Variants in IFNGR2 observed in about 807,000 individuals in gnomAD.
IFNGR2 encodes IFN-gamma receptor 2.
In IFNGR2, 15 loss-of-function variants were observed where a neutral mutation model predicts 41.1. The ratio of observed to expected loss-of-function variants is 0.37; its 90% CI spans 0.24 to 0.56. IFNGR2 has a LOEUF of 0.56. IFNGR2 is among the 20% of genes least tolerant of loss of function. IFNGR2 has a pLI of 0.81. For synonymous variants in IFNGR2, 161 were observed against 171.6 expected, an observed-to-expected ratio of 0.94 and a Z score of 0.48; for missense variants, 362 against 415.7, an observed-to-expected ratio of 0.87 and a Z score of 1.12.
chr21:33,424,643 C>G, intron 3 of IFNGR2, among the ~76,000 whole-genome samples: 1 of 152,228 alleles, frequency 6.6e-6, no homozygotes. Context: ...GTTCATATCC[C>G]AACTCTGCCA....
At chr21:33,426,160 C>T (rs1377560665) in intron 3 of IFNGR2, among the ~76,000 whole-genome samples, 1 of 151,900 alleles carries the variant, frequency 6.6e-6, no homozygotes. Flanking sequence ...CGCCTGTAAT[C>T]CCAGCACTTT....
At chr21:33,409,554 C>T (rs1036931312) in intron 1 of IFNGR2, among the ~76,000 whole-genome samples, 6 of 152,040 alleles carry the variant, frequency 3.9e-5, no homozygotes, top group South Asian at 4.1e-4. Flanking sequence ...GGTATTTTAG[C>T]GAGTGGTGGT....
chr21:33,422,877 CAAAAAAAAAAAAA>C (rs71194843), intron 3 of IFNGR2, among the ~76,000 whole-genome samples: 10 of 34,950 alleles, frequency 2.9e-4, no homozygotes, highest in Non-Finnish European at 3.6e-4. Context: ...AACTCCATCT[CAAAAAAAAAAAAA>C]AAAAAAAAAA....
intron 5 of IFNGR2, 182 bp downstream of exon 5, chr21:33,432,518 C>G: frequency 1.2e-6 from 1 of 831,576 alleles, no homozygotes; most frequent in Non-Finnish European, 2.0e-6. Context: ...TACCAGACAG[C>G]TACCACTTGC....
intron 3 of IFNGR2, among the ~76,000 whole-genome samples, chr21:33,422,494 G>A (rs555221344): frequency 4.7e-4 from 72 of 152,202 alleles, no homozygotes; most frequent in African/African-American, 1.6e-3. Context: ...ATGGTGTTTT[G>A]GTTATGATTT....
intron 4 of IFNGR2, 30 bp from the exon 5 acceptor site, chr21:33,432,141 TCATTTA>T (rs776732414): frequency 6.3e-7 from 1 of 1,599,818 alleles, no homozygotes; most frequent in Admixed American, 1.7e-5. Context: ...TTGGCCATGT[TCATTTA>T]CATGTGTGCT....
chr21:33,409,591 G>C (rs568928780), intron 1 of IFNGR2, among the ~76,000 whole-genome samples: 1 of 152,276 alleles, frequency 6.6e-6, no homozygotes, highest in East Asian at 1.9e-4. Context: ...GATCTTGAAG[G>C]ATTTTCAGCT....
chr21:33,406,882 C>A (rs1188800860), intron 1 of IFNGR2, among the ~76,000 whole-genome samples: 1 of 151,884 alleles, frequency 6.6e-6, no homozygotes, highest in Non-Finnish European at 1.5e-5. Context: ...CTCCTGGGGT[C>A]AAGAGATCCA....
At chr21:33,411,914 T>C (rs1216563347) in intron 1 of IFNGR2, among the ~76,000 whole-genome samples, 3 of 152,322 alleles carry the variant, frequency 2.0e-5, no homozygotes, top group Non-Finnish European at 4.4e-5. Context: ...TTAAAATTTA[T>C]TTATTTTTAG....
intron 3 of IFNGR2, 70 bp from the exon 4 acceptor site, chr21:33,426,814 T>C: frequency 9.4e-7 from 1 of 1,062,802 alleles, no homozygotes; most frequent in Non-Finnish European, 1.4e-6. Context: ...TAGCATTATA[T>C]AATACATTGT....
chr21:33,404,089 G>T (rs1362412521), intron 1 of IFNGR2, among the ~76,000 whole-genome samples: 1 of 152,266 alleles, frequency 6.6e-6, no homozygotes, highest in Non-Finnish European at 1.5e-5. Flanking sequence ...ATGAACAACA[G>T]CAAATTGAAT....
chr21:33,434,060 T>C (rs73195827), intron 6 of IFNGR2, among the ~76,000 whole-genome samples: 1 of 152,246 alleles, frequency 6.6e-6, no homozygotes, highest in Non-Finnish European at 1.5e-5. Context: ...CAGTGGGTAT[T>C]GCTAATATTT....
chr21:33,415,378 A>G (rs1450262164), intron 2 of IFNGR2, among the ~76,000 whole-genome samples: 1 of 152,182 alleles, frequency 6.6e-6, no homozygotes, highest in Non-Finnish European at 1.5e-5. Context: ...AATCGGATTG[A>G]TTTAACCTTA....
At chr21:33,408,022 T>C (rs1036613915) in intron 1 of IFNGR2, among the ~76,000 whole-genome samples, 1 of 152,076 alleles carries the variant, frequency 6.6e-6, no homozygotes, top group Non-Finnish European at 1.5e-5. Context: ...GGATCAATGA[T>C]GTTCACCTAA....
intron 1 of IFNGR2, among the ~76,000 whole-genome samples, chr21:33,405,118 AAAAAAG>A (rs1568948247): frequency 1.3e-5 from 2 of 151,336 alleles, no homozygotes; most frequent in African/African-American, 4.9e-5. Context: ...AAAAAAAAAA[AAAAAAG>A]AAAAAGAGGA....
intron 6 of IFNGR2, among the ~76,000 whole-genome samples, chr21:33,435,012 A>G (rs984119645): frequency 6.6e-6 from 1 of 152,306 alleles, no homozygotes. Flanking sequence ...TGTTTCACTT[A>G]TAATTCTGGG....
chr21:33,413,821 CT>C lies in IFNGR2; in HGVS notation c.74-1066del, dbSNP rs2083733033. Among the ~76,000 whole-genome samples the C allele has an allele frequency of 5.2e-5, 7 of 135,050 alleles. No individual in the cohort carries two copies. The South Asian group carries it at 7.2e-4, about 14-fold the overall frequency. 88.6% of individuals were successfully genotyped at this position (135,050 alleles called of 152,430 possible). ...ATATTCTTTCTCTGTTTATTGCCCC[CT>C]AACCTTTTTTTTTTTTTTTTTTTTT... On this transcript the variant is annotated intron_variant, in intron 1 of 6. Coordinates refer to ENST00000290219, the MANE Select transcript of IFNGR2 (RefSeq NM_005534.4).
intron 3 of IFNGR2, among the ~76,000 whole-genome samples, chr21:33,426,141 T>C (rs1237880152): frequency 3.4e-3 from 1 of 292 alleles, no homozygotes; most frequent in African/African-American, 0.014. Context: ...AGTATGGGCA[T>C]GGTGCTCACG....
At chr21:33,416,593 C>T (rs917288664) in intron 2 of IFNGR2, among the ~76,000 whole-genome samples, 3 of 152,054 alleles carry the variant, frequency 2.0e-5, no homozygotes, top group Non-Finnish European at 2.9e-5. Flanking sequence ...GAGGCCAAGA[C>T]GGGCGGATCA....
Sources: gnomAD v4.1 joint callset for allele counts (sites outside exome capture counted in the v4.1 genomes callset) on GRCh38, gnomAD v4.1.1 for gene constraint, MANE v1.5 for transcripts, NCBI Gene and HGNC (gene_info 2026-07-23, HGNC 2026-07-21) for gene names.